Variants in TSPAN4 observed in about 807,000 individuals in gnomAD.
TSPAN4 encodes tetraspanin 4, also known as tetraspanin-4.
TSPAN4 carries 38 observed loss-of-function variants against 31.5 expected under a neutral mutation model. That is an observed-to-expected ratio of 1.21 (90% CI 0.93 to 1.58). TSPAN4 has a LOEUF of 1.58. Among genes scored for constraint, TSPAN4 ranks in the 40% most tolerant of loss-of-function variants. TSPAN4 has a pLI of 0.00. For missense variants in TSPAN4, 330 were observed against 317.3 expected (o/e 1.04, Z -0.30); for synonymous variants, 186 against 144.6 (o/e 1.29, Z -2.06).
intron 4 of TSPAN4, chr11:863,584 C>T (rs1848595971): frequency 6.6e-6 from 1 of 152,296 alleles, no homozygotes; most frequent in African/African-American, 2.4e-5. Context: ...GCTTGGAGCT[C>T]CTCAGTTGAG....
At chr11:863,988 G>C (rs1335072741) in intron 4 of TSPAN4, 1 of 198,416 alleles carries the variant, frequency 5.0e-6, no homozygotes, top group African/African-American at 2.3e-5. Flanking sequence ...GGCAGAAGGG[G>C]CCTCTGCAGC....
chr11:856,557 G>T (rs575907190), intron 3 of TSPAN4, among the ~76,000 whole-genome samples: 3 of 152,168 alleles, frequency 2.0e-5, no homozygotes, highest in Admixed American at 2.0e-4. Flanking sequence ...TCTGGCCTGC[G>T]GCGGGGCAGC....
chr11:848,836 C>G lies in TSPAN4; in HGVS notation c.-17-1452C>G, dbSNP rs1847464038. ...GAGGCGTGGGGTAGGCTGCAGGGCA[C>G]AGCTGGGGGCCTCTGTCCCCATCTC... On this transcript the variant is annotated intron_variant, in intron 2 of 8. Coordinates refer to ENST00000397397, the MANE Select transcript of TSPAN4 (RefSeq NM_003271.5). The surrounding 1 kb of genome is among the most constrained non-coding windows in gnomAD (Gnocchi z 5.7). 1.5e-6 allele frequency: 1 copy of G among 664,456 alleles called. No individual in the cohort carries two copies. Among genetic ancestry groups the G allele is most frequent in the African/African-American group, 1.8e-5 (1 of 55,604 alleles). The allele number at this position is 664,456 out of a possible 1,614,324, so 41.2% of individuals were successfully genotyped here. A position where few individuals can be genotyped will look rare whatever the true frequency, so the allele number is the denominator to read the frequency against.
In TSPAN4 at chr11:866,902, A is replaced by C; in HGVS notation, c.*272A>C. On this transcript the variant is annotated 3_prime_UTR_variant, in exon 9 of 9. Coordinates refer to ENST00000397397, the MANE Select transcript of TSPAN4 (RefSeq NM_003271.5). ...GGGGCCTCCAGCACTTTTTATATTT[A>C]CGTATTCTCCAAAGCAGTGTTCACA... The C allele has an allele frequency of 2.3e-6, 1 of 432,000 alleles. No homozygotes were observed. The highest frequency in any genetic ancestry group is 4.2e-6 in the Non-Finnish European group (1 of 239,122). 26.8% of individuals were successfully genotyped at this position (432,000 alleles called of 1,614,324 possible).
At chr11:860,133 G>A (rs1848370681) in intron 3 of TSPAN4, among the ~76,000 whole-genome samples, 1 of 152,242 alleles carries the variant, frequency 6.6e-6, no homozygotes, top group Admixed American at 6.5e-5. Flanking sequence ...TGAACTTTAA[G>A]CGGAGATGCT....
intron 3 of TSPAN4, among the ~76,000 whole-genome samples, chr11:860,203 T>C (rs1309339110): frequency 1.3e-5 from 2 of 152,170 alleles, no homozygotes; most frequent in African/African-American, 4.8e-5. Flanking sequence ...CCTGAGCGTG[T>C]GTGGGACTTG....
At chr11:854,543 C>T (rs28500472) in intron 3 of TSPAN4, among the ~76,000 whole-genome samples, 150,213 of 152,324 alleles carry the variant, frequency 0.99, 74,109 homozygotes, top group Middle Eastern at 1. Flanking sequence ...GTGTGAGTCT[C>T]GGAGCCAGGT....
In TSPAN4 at chr11:864,645, G is replaced by T; in HGVS notation, c.330+134G>T. 5.3e-6 allele frequency: 6 copies of T among 1,134,906 alleles called. No homozygotes were observed. In the South Asian group the frequency reaches 7.9e-5, roughly 15 times the overall value. The allele number at this position is 1,134,906 out of a possible 1,614,324, so 70.3% of individuals were successfully genotyped here. A position where few individuals can be genotyped will look rare whatever the true frequency, so the allele number is the denominator to read the frequency against. ...ACGGGCAGCCAGGACAGCGGGTGTG[G>T]ATTTACCAGGCCTGGAGGGGCAGCG... is the stretch of plus-strand genomic sequence containing the variant. On this transcript the variant is annotated intron_variant, in intron 5 of 8. Transcript: ENST00000397397.
intron 3 of TSPAN4, chr11:857,829 C>T (rs1484266397): frequency 6.6e-6 from 1 of 152,386 alleles, no homozygotes; most frequent in Non-Finnish European, 1.5e-5. Context: ...GCGCTTGAGG[C>T]CAGGATGTAC....
At chr11:849,219 A>AGG (rs527480594) in intron 2 of TSPAN4, among the ~76,000 whole-genome samples, 2 of 149,232 alleles carry the variant, frequency 1.3e-5, no homozygotes, top group Non-Finnish European at 3.0e-5. Flanking sequence ...TGCCTGGTGG[A>AGG]GGGGGGGTGG....
At chr11:857,543 C>T (rs997288794) in intron 3 of TSPAN4, 2 of 152,146 alleles carry the variant, frequency 1.3e-5, no homozygotes, top group African/African-American at 4.8e-5. Context: ...GCTGCGACTA[C>T]AGGTGCCTGC....
In TSPAN4 at chr11:854,161, C is replaced by T. The variant is rs1847911957; in HGVS notation, c.63+3794C>T. 2.0e-5 allele frequency among the ~76,000 whole-genome samples: 3 copies of T among 152,202 alleles called. No individual in the cohort carries two copies. The South Asian group carries it at 6.2e-4, about 31-fold the overall frequency. The stretch of plus-strand genomic sequence containing the variant: ...GGCAGCCGAGCTATTTAGCAAGGTG[C>T]CACCACGAAGGGCTGTCCTCCCGCC... On this transcript the variant is annotated intron_variant, in intron 3 of 8. Transcript: ENST00000397397.
chr11:845,789 C>T (rs10902227), intron 1 of TSPAN4, among the ~76,000 whole-genome samples: 32,442 of 151,916 alleles, frequency 0.21, 4,081 homozygotes, highest in South Asian at 0.46. Flanking sequence ...GGAGGAAAGA[C>T]TGGGGGACCT....
intron 5 of TSPAN4, chr11:864,721 G>A: frequency 4.7e-6 from 3 of 631,918 alleles, no homozygotes; most frequent in Non-Finnish European, 8.3e-6. Context: ...TGGGGCACAA[G>A]GGCACTGCTA....
chr11:846,917 C>G (rs1055935766), intron 1 of TSPAN4, among the ~76,000 whole-genome samples: 5 of 152,198 alleles, frequency 3.3e-5, no homozygotes, highest in African/African-American at 1.2e-4. Context: ...CACACCGTGT[C>G]TCTGTGAGTG....
chr11:853,017 G>A (rs1589768058), intron 3 of TSPAN4, among the ~76,000 whole-genome samples: 1 of 152,092 alleles, frequency 6.6e-6, no homozygotes, highest in East Asian at 1.9e-4. Context: ...GAGGAAAGTT[G>A]TGTGTGACTG....
At position 865,574 on chromosome 11, in the gene TSPAN4, A is replaced by T; in HGVS notation, c.392A>T (p.Asn131Ile). The change falls in exon 6 of 9, where the codon AAC (asparagine) becomes ATC (isoleucine). Residue 131 changes from asparagine to isoleucine, a missense_variant. Asn to Ile is a moderately radical substitution (Grantham distance 149). Transcript: ENST00000397397. ...KGLHLYGTQG[N>I]VGLTNAWSII... is the part of the protein sequence containing the mutation. Reference sequence around the variant, plus strand: ...TTGCACCTGTACGGCACGCAGGGCAACGTGGGCCTCACCAACGCCTGGAGC... The same window carrying T: ...TTGCACCTGTACGGCACGCAGGGCATCGTGGGCCTCACCAACGCCTGGAGC... 6.2e-7 allele frequency: 1 copy of T among 1,612,820 alleles called. No homozygotes were observed. Among genetic ancestry groups the T allele is most frequent in the Non-Finnish European group, 8.5e-7 (1 of 1,179,896 alleles).
In TSPAN4 at chr11:848,778, G is replaced by T. The variant is rs966277816; in HGVS notation, c.-18+1478G>T. On this transcript the variant is annotated intron_variant, in intron 2 of 8. Transcript: ENST00000397397. The surrounding 1 kb of genome is among the most constrained non-coding windows in gnomAD (Gnocchi z 5.7). ...GCTGATATCTTCCCAACACCGCAGG[G>T]CCCTTGTGCCCTGTGGTGGGGCTGG... 5.4e-6 allele frequency: 3 copies of T among 552,624 alleles called. No homozygotes were observed. Among genetic ancestry groups the T allele is most frequent in the Non-Finnish European group, 9.8e-6 (3 of 305,368 alleles). The allele number at this position is 552,624 out of a possible 1,614,324, so 34.2% of individuals were successfully genotyped here.
intron 4 of TSPAN4, chr11:862,974 C>T (rs1388083346): frequency 9.4e-6 from 5 of 533,120 alleles, no homozygotes; most frequent in Non-Finnish European, 1.7e-5. Flanking sequence ...AGAGAACGTG[C>T]TGTACCTTGT....
Sources: allele counts gnomAD v4.1 joint callset (sites outside exome capture counted in the v4.1 genomes callset), GRCh38; gene constraint gnomAD v4.1.1; non-coding constraint Gnocchi (gnomAD v3.1); transcripts MANE v1.5; gene names NCBI Gene and HGNC (gene_info 2026-07-23, HGNC 2026-07-21).